Variants in CNTN5 observed in about 807,000 individuals in gnomAD.
CNTN5 encodes contactin-5.
A neutral mutation model predicts 129.1 loss-of-function variants in CNTN5; 77 were observed. The observed-to-expected ratio is 0.60, with a 90% CI of 0.50 to 0.72. The LOEUF (loss-of-function observed/expected upper bound fraction) is 0.72, where lower values mean the gene tolerates loss of function less well. CNTN5 is among the 30% of genes least tolerant of loss of function. CNTN5 has a pLI of 0.00. For missense variants in CNTN5, 1,478 were observed against 1,328.8 expected, an observed-to-expected ratio of 1.11 and a Z score of -1.75; for synonymous variants, 509 against 465.6, an observed-to-expected ratio of 1.09 and a Z score of -1.20.
intron 3 of CNTN5, among the ~76,000 whole-genome samples, chr11:99,776,376 A>C (rs188404977): frequency 1.2e-3 from 179 of 152,082 alleles, no homozygotes; most frequent in African/African-American, 4.2e-3. Flanking sequence ...ATTAATACCC[A>C]ATTTCAACAC....
chr11:99,933,994 A>G (rs1195183747), intron 7 of CNTN5, among the ~76,000 whole-genome samples: 1 of 152,218 alleles, frequency 6.6e-6, no homozygotes, highest in African/African-American at 2.4e-5. Context: ...CTGTGGAGCT[A>G]TAGGAAAATC....
chr11:100,102,658 T>A (rs1220616609), intron 13 of CNTN5, among the ~76,000 whole-genome samples: 1 of 152,086 alleles, frequency 6.6e-6, no homozygotes. Flanking sequence ...TGATTATTGA[T>A]ATGAAACGTT....
chr11:99,175,559 G>T (rs1272335935), intron 1 of CNTN5, among the ~76,000 whole-genome samples: 1 of 152,082 alleles, frequency 6.6e-6, no homozygotes, highest in Non-Finnish European at 1.5e-5. Flanking sequence ...GAAGAGACAA[G>T]ATATGATGTG....
At chr11:99,661,064 A>G (rs1018660941) in intron 3 of CNTN5, among the ~76,000 whole-genome samples, 1 of 152,130 alleles carries the variant, frequency 6.6e-6, no homozygotes, top group Non-Finnish European at 1.5e-5. Context: ...TGTTCATTAT[A>G]TGTCCAGCTC....
At chr11:99,254,828 G>C (rs1054116613) in intron 1 of CNTN5, among the ~76,000 whole-genome samples, 3 of 151,876 alleles carry the variant, frequency 2.0e-5, no homozygotes, top group South Asian at 2.1e-4. Flanking sequence ...TATTAACAAA[G>C]AGTAAAATGT....
chr11:99,760,849 T>G (rs1944555562), intron 3 of CNTN5, among the ~76,000 whole-genome samples: 1 of 152,128 alleles, frequency 6.6e-6, no homozygotes, highest in Admixed American at 6.6e-5. Flanking sequence ...ACACAGAGGT[T>G]TGTTTTGTAT....
Position 99,819,739 on chromosome 11 carries a change from A to G in CNTN5, c.251A>G (p.His84Arg), listed in dbSNP as rs1401923676. The G allele has an allele frequency of 8.1e-6, 13 of 1,603,352 alleles. No individual in the cohort carries two copies. Among genetic ancestry groups the G allele is most frequent in the South Asian group, 2.2e-5 (2 of 90,320 alleles). ...QNYYSPINLY[H>R]SSDAFKQDES... ...TATTATTCCCCCATCAATCTTTATC[A>G]TTCCTCAGATGCCTTCAAACAAGAT... Residue 84 changes from histidine (H) to arginine (R), a missense_variant, in exon 4 of 25, where the codon CAT (histidine) becomes CGT (arginine). Transcript: ENST00000524871.
At chr11:99,180,193 C>A (rs1414440821) in intron 1 of CNTN5, among the ~76,000 whole-genome samples, 1 of 151,968 alleles carries the variant, frequency 6.6e-6, no homozygotes, top group African/African-American at 2.4e-5. Context: ...ATATAATAAG[C>A]AAATGATATA....
chr11:99,553,419 G>A (rs1356499807), intron 2 of CNTN5, among the ~76,000 whole-genome samples: 1 of 151,836 alleles, frequency 6.6e-6, no homozygotes, highest in Non-Finnish European at 1.5e-5. Flanking sequence ...TAATTATATT[G>A]TCATTTCTTT....
chr11:100,142,974 A>C (rs962895158), intron 13 of CNTN5, among the ~76,000 whole-genome samples: 4 of 152,120 alleles, frequency 2.6e-5, no homozygotes, highest in Non-Finnish European at 1.5e-5. Context: ...ATCTTGTATA[A>C]AATTATCTTC....
intron 2 of CNTN5, among the ~76,000 whole-genome samples, chr11:99,358,819 GA>G (rs1173840637): frequency 6.6e-6 from 1 of 151,916 alleles, no homozygotes; most frequent in Non-Finnish European, 1.5e-5. Flanking sequence ...TGTGTTATTA[GA>G]AAATTAGATT....
intron 2 of CNTN5, among the ~76,000 whole-genome samples, chr11:99,358,396 T>A (rs1565518613): frequency 6.7e-6 from 1 of 149,392 alleles, no homozygotes; most frequent in African/African-American, 2.5e-5. Flanking sequence ...CGAAACCCTG[T>A]CTCTACTACA....
intron 16 of CNTN5, among the ~76,000 whole-genome samples, chr11:100,253,470 C>T (rs1333196633): frequency 6.6e-6 from 1 of 152,102 alleles, no homozygotes; most frequent in African/African-American, 2.4e-5. Context: ...ATGGGGATAA[C>T]AATGCCCACC....
intron 2 of CNTN5, among the ~76,000 whole-genome samples, chr11:99,447,205 G>A (rs191988726): frequency 1.3e-5 from 2 of 152,272 alleles, no homozygotes; most frequent in African/African-American, 4.8e-5. Flanking sequence ...CCTCAGAGAA[G>A]CTATGTAGGG....
Position 100,174,347 on chromosome 11 carries a change from T to G in CNTN5, c.1581-16779T>G, listed in dbSNP as rs142800599. Reference sequence around the variant, plus strand: ...GCTTTAAAAAAGAAATACTCTAGGCTTTCCTTCTCTGGGCATAGTAATCGC... The same window carrying G: ...GCTTTAAAAAAGAAATACTCTAGGCGTTCCTTCTCTGGGCATAGTAATCGC... On this transcript the variant is annotated intron_variant, in intron 13 of 24. Transcript: ENST00000524871. Among the ~76,000 whole-genome samples the G allele has an allele frequency of 2.0e-5, 3 of 152,276 alleles. No individual in the cohort carries two copies. In the East Asian group the frequency reaches 5.8e-4, roughly 30 times the overall value.
chr11:99,617,834 A>T (rs75246951), intron 3 of CNTN5, among the ~76,000 whole-genome samples: 10,548 of 152,164 alleles, frequency 0.069, 393 homozygotes, highest in East Asian at 0.11. Context: ...CAGTTCATCT[A>T]TAGTGCCCTA....
At chr11:99,648,067 G>T (rs535039253) in intron 3 of CNTN5, among the ~76,000 whole-genome samples, 2 of 151,966 alleles carry the variant, frequency 1.3e-5, no homozygotes, top group African/African-American at 4.8e-5. Context: ...GTTTACCACA[G>T]ATAGCCTTTA....
At chr11:100,212,091 C>G (rs1949045782) in intron 15 of CNTN5, among the ~76,000 whole-genome samples, 1 of 152,044 alleles carries the variant, frequency 6.6e-6, no homozygotes, top group African/African-American at 2.4e-5. Flanking sequence ...TTACTCTGTC[C>G]TACTGTAGTC....
At chr11:99,107,341 A>G (rs1051226297) in intron 1 of CNTN5, among the ~76,000 whole-genome samples, 24 of 152,186 alleles carry the variant, frequency 1.6e-4, no homozygotes, top group African/African-American at 5.5e-4. Flanking sequence ...GATTAAAATC[A>G]TTTGTTGGTT....
Sources: allele counts gnomAD v4.1 joint callset (sites outside exome capture counted in the v4.1 genomes callset), GRCh38; gene constraint gnomAD v4.1.1; transcripts MANE v1.5; gene names NCBI Gene and HGNC (gene_info 2026-07-23, HGNC 2026-07-21).